The following INPP4A variants were observed in gnomAD, a reference collection of about 807,000 sequenced individuals.
INPP4A encodes the protein inositol polyphosphate-4-phosphatase, type I, 107kD.
A neutral mutation model predicts 119.8 loss-of-function variants in INPP4A; 33 were observed. That is an observed-to-expected ratio of 0.28 (90% CI 0.21 to 0.37). The LOEUF (loss-of-function observed/expected upper bound fraction) is 0.37. INPP4A is among the 10% of genes least tolerant of loss of function. INPP4A has a pLI of 1.00. For synonymous variants in INPP4A, 496 were observed against 500.7 expected (o/e 0.99, Z 0.12); for missense variants, 956 against 1,289.9 (o/e 0.74, Z 3.97).
chr2:98,490,002 T>C (rs1156586757), intron 1 of INPP4A, among the ~76,000 whole-genome samples: 1 of 151,742 alleles, frequency 6.6e-6, no homozygotes, highest in African/African-American at 2.4e-5. Flanking sequence ...ATGGAGCTAA[T>C]GCAGAACTCC....
At chr2:98,514,007 G>C (rs1685624572) in intron 1 of INPP4A, among the ~76,000 whole-genome samples, 1 of 152,136 alleles carries the variant, frequency 6.6e-6, no homozygotes, top group Non-Finnish European at 1.5e-5. Context: ...TAGATCCCTG[G>C]GTAGATTCAG....
chr2:98,499,269 C>T (rs1478755263), intron 1 of INPP4A, among the ~76,000 whole-genome samples: 1 of 152,218 alleles, frequency 6.6e-6, no homozygotes, highest in Admixed American at 6.5e-5. Context: ...CGCATGTCAG[C>T]AGTTATCCCA....
rs951282831 is a variant in INPP4A at position 98,559,547 on chromosome 2, A to G, written c.1855+52A>G. 8.3e-6 allele frequency: 13 copies of G among 1,569,274 alleles called. No individual in the cohort carries two copies. In the African/African-American group the frequency reaches 1.5e-4, roughly 18 times the overall value. ...GCTGATGCCCTTTTAATTGATACTCAGGTAGTGTTTTGTAGCTAAATTACA... is the reference window on the plus strand; with the variant it reads ...GCTGATGCCCTTTTAATTGATACTCGGGTAGTGTTTTGTAGCTAAATTACA... On this transcript the variant is annotated intron_variant, in intron 17 of 24. Transcript: ENST00000409851.
Position 98,491,686 on chromosome 2 carries a change from A to G in INPP4A, c.-165-27278A>G, listed in dbSNP as rs567570390. ...GTTCATTTTCGTCCCCATATCAGAG[A>G]TGAGCAGACAATGGAGCGCAGGGAA... On this transcript the variant is annotated intron_variant, in intron 1 of 24. Transcript: ENST00000409851. Among the ~76,000 whole-genome samples the G allele has an allele frequency of 4.6e-5, 7 of 152,282 alleles. No homozygotes were observed. In the East Asian group the frequency reaches 1.4e-3, roughly 29 times the overall value.
Position 98,592,412 on chromosome 2 carries a change from A to T in INPP4A, c.*4804A>T, listed in dbSNP as rs1700444930. ...TGCCTGACCTGGCCCCCGGCTGCCC[A>T]TGAGGGCCTCCAGAGAGGGGCAGAG... is the stretch of plus-strand genomic sequence containing the variant. On this transcript the variant is annotated 3_prime_UTR_variant, in exon 25 of 25. Transcript: ENST00000409851. The T allele has an allele frequency of 6.6e-6, 1 of 152,254 alleles. No individual in the cohort carries two copies. Among genetic ancestry groups the T allele is most frequent in the African/African-American group, 2.4e-5 (1 of 41,456 alleles). 9.4% of individuals were successfully genotyped at this position (152,254 alleles called of 1,614,324 possible).
intron 4 of INPP4A, among the ~76,000 whole-genome samples, chr2:98,532,102 A>G (rs1689346158): frequency 6.6e-6 from 1 of 152,246 alleles, no homozygotes; most frequent in Non-Finnish European, 1.5e-5. Flanking sequence ...GGATGGAGAT[A>G]GCCAGTAACT....
chr2:98,574,024 A>C (rs1387481637), intron 23 of INPP4A, among the ~76,000 whole-genome samples: 1 of 152,128 alleles, frequency 6.6e-6, no homozygotes, highest in Non-Finnish European at 1.5e-5. Context: ...TGCCCTCTAA[A>C]TCTTTTCATT....
At chr2:98,533,163 T>C (rs886801855) in intron 4 of INPP4A, among the ~76,000 whole-genome samples, 2 of 152,226 alleles carry the variant, frequency 1.3e-5, no homozygotes, top group Admixed American at 6.5e-5. Flanking sequence ...ACTGAAGTTA[T>C]GACATTGCTG....
chr2:98,459,463 C>G (rs1228352522), intron 1 of INPP4A, among the ~76,000 whole-genome samples: 1 of 152,126 alleles, frequency 6.6e-6, no homozygotes, highest in Non-Finnish European at 1.5e-5. Context: ...TTTGGGAGGC[C>G]CTCTTACCCT....
chr2:98,480,336 C>A (rs1678152398), intron 1 of INPP4A, among the ~76,000 whole-genome samples: 1 of 152,132 alleles, frequency 6.6e-6, no homozygotes, highest in Non-Finnish European at 1.5e-5. Flanking sequence ...GTTTATTAAT[C>A]CCCAGCTACC....
At chr2:98,523,036 A>G (rs1368910033) in intron 4 of INPP4A, among the ~76,000 whole-genome samples, 1 of 152,376 alleles carries the variant, frequency 6.6e-6, no homozygotes, top group East Asian at 1.9e-4. Flanking sequence ...AAGAGGGACC[A>G]CACTGAGCAG....
intron 10 of INPP4A, among the ~76,000 whole-genome samples, chr2:98,542,224 C>T (rs1410351932): frequency 6.6e-6 from 1 of 152,280 alleles, no homozygotes; most frequent in Non-Finnish European, 1.5e-5. Context: ...AGCTGCTGTG[C>T]TCAGAGCGGC....
In INPP4A at chr2:98,565,666, A is replaced by G; in HGVS notation, c.2179A>G (p.Met727Val). 2.5e-6 allele frequency: 4 copies of G among 1,611,204 alleles called. No homozygotes were observed. The highest frequency in any genetic ancestry group is 3.4e-6 in the Non-Finnish European group (4 of 1,177,790). The change falls in exon 20 of 25, where the codon ATG (methionine) becomes GTG (valine). Residue 727 changes from methionine (M) to valine (V), a missense_variant. Coordinates refer to ENST00000409851, the MANE Select transcript of INPP4A (RefSeq NM_001134225.2). ...GGAGGAGCTGGCAATGCTGGAGGAC[A>G]TGAGCCTTGGGATCATGGACTTGAG... is the stretch of plus-strand genomic sequence containing the variant. ...YGEELAMLED[M>V]SLGIMDLRNV...
intron 1 of INPP4A, among the ~76,000 whole-genome samples, chr2:98,509,219 G>C (rs768113749): frequency 6.6e-6 from 1 of 152,208 alleles, no homozygotes; most frequent in Non-Finnish European, 1.5e-5. Context: ...GGAGTCCACA[G>C]TCCCCGGGCT....
intron 2 of INPP4A, 153 bp from the exon 3 acceptor site, chr2:98,519,793 C>A (rs1686831882): frequency 6.3e-6 from 3 of 476,752 alleles, no homozygotes; most frequent in African/African-American, 5.9e-5. Flanking sequence ...CCAGAAGGGG[C>A]AGGGAGCAGT....
chr2:98,462,073 A>G (rs1673672270), intron 1 of INPP4A, among the ~76,000 whole-genome samples: 1 of 152,260 alleles, frequency 6.6e-6, no homozygotes, highest in African/African-American at 2.4e-5. Context: ...TATTTCAATT[A>G]TGACCTGGCC....
intron 22 of INPP4A, among the ~76,000 whole-genome samples, chr2:98,571,412 G>A (rs1697413791): frequency 6.6e-6 from 1 of 152,258 alleles, no homozygotes; most frequent in Non-Finnish European, 1.5e-5. Flanking sequence ...GGAGTAGGGG[G>A]CGCGTGCTGA....
chr2:98,542,716 T>C (rs973063609), intron 10 of INPP4A, among the ~76,000 whole-genome samples: 1 of 152,228 alleles, frequency 6.6e-6, no homozygotes, highest in Non-Finnish European at 1.5e-5. Context: ...CTGTTCTTCA[T>C]TGCTGAGCTA....
chr2:98,469,265 G>C (rs895151156), intron 1 of INPP4A, among the ~76,000 whole-genome samples: 1 of 152,086 alleles, frequency 6.6e-6, no homozygotes, highest in Non-Finnish European at 1.5e-5. Flanking sequence ...TTGGGAGGCC[G>C]AGGTGGGTAG....
Sources: gnomAD v4.1 joint callset for allele counts (sites outside exome capture counted in the v4.1 genomes callset) on GRCh38, gnomAD v4.1.1 for gene constraint, MANE v1.5 for transcripts, NCBI Gene and HGNC (gene_info 2026-07-23, HGNC 2026-07-21) for gene names.